The following PTK7 variants were observed in gnomAD, a reference collection of about 807,000 sequenced individuals.
PTK7 encodes protein tyrosine kinase 7 (inactive), also known as inactive tyrosine-protein kinase 7.
A neutral mutation model predicts 116.6 loss-of-function variants in PTK7; 39 were observed. That is an observed-to-expected ratio of 0.33 (90% CI 0.26 to 0.44). PTK7 has a LOEUF of 0.44. Among genes scored for constraint, PTK7 ranks in the 20% least tolerant of loss-of-function variants. The pLI, the probability that PTK7 is intolerant of heterozygous loss-of-function variation, is 1.00. For synonymous variants in PTK7, 546 were observed against 563.6 expected (o/e 0.97, Z 0.44); for missense variants, 1,169 against 1,425.6 (o/e 0.82, Z 2.90).
At chr6:43,116,604 T>TTGTGTGTGTGTGTG (rs751605217) in intron 1 of PTK7, among the ~76,000 whole-genome samples, 18 of 119,168 alleles carry the variant, frequency 1.5e-4, no homozygotes, top group East Asian at 5.2e-4. Flanking sequence ...AAAAGCTGGT[T>TTGTGTGTGTGTGTG]TGTGTGTGTG....
intron 1 of PTK7, among the ~76,000 whole-genome samples, chr6:43,114,207 C>T (rs1768362748): frequency 6.6e-6 from 1 of 152,208 alleles, no homozygotes. Flanking sequence ...CGTGCTGTTT[C>T]TTGTCCCTTT....
chr6:43,079,843 G>T (rs1766269273), intron 1 of PTK7, among the ~76,000 whole-genome samples: 1 of 150,568 alleles, frequency 6.6e-6, no homozygotes, highest in South Asian at 2.1e-4. Flanking sequence ...AGGATCGCTT[G>T]AGCCCAGGGG....
rs1280709177 is a variant in PTK7, at chr6:43,129,398, T to G, written c.367+134T>G. 8.2e-7 allele frequency: 1 copy of G among 1,212,292 alleles called. No homozygotes were observed. Among genetic ancestry groups the G allele is most frequent in the Admixed American group, 2.8e-5 (1 of 35,290 alleles). 75.1% of individuals were successfully genotyped at this position (1,212,292 alleles called of 1,614,324 possible). On this transcript the variant is annotated intron_variant, in intron 2 of 19. Coordinates refer to ENST00000230419, the MANE Select transcript of PTK7 (RefSeq NM_002821.5). The surrounding 1 kb of genome is among the most constrained non-coding windows in gnomAD (Gnocchi z 4.5). ...AGGCAGAATGCATTTATCATCAGCT[T>G]TTTTTGCTCATGTGGATAAGAGGAA...
Position 43,132,017 on chromosome 6 carries a change from C to G in PTK7, c.814C>G (p.Pro272Ala), listed in dbSNP as rs767370598. The change falls in exon 6 of 20, where the codon CCC becomes GCC. Residue 272 changes from proline (P) to alanine (A), a missense_variant and splice_region_variant. Physicochemically the swap from Pro to Ala is conservative, Grantham distance 27. Around this residue, in one of 3 missense-constraint regions of PTK7, gnomAD observed 487 missense variants for 549.8 expected, o/e 0.89. Coordinates refer to ENST00000230419, the MANE Select transcript of PTK7 (RefSeq NM_002821.5). ...DETPITNRSR[P>A]PHLRRATVFA... ...CAAATTGCACTCTCCCCTCTGCAGC[C>G]CCCCACACCTCCGCAGAGCCACAGT... The G allele has an allele frequency of 3.7e-6, 6 of 1,613,984 alleles. No homozygotes were observed. Among genetic ancestry groups the G allele is most frequent in the Non-Finnish European group, 4.2e-6 (5 of 1,180,022 alleles).
Position 43,076,472 on chromosome 6 carries a change from TTCCTG to T in PTK7, c.-16_-12del, listed in dbSNP as rs1766010011. 1 of 1,556,346 alleles carries T rather than the reference TTCCTG, an allele frequency of 6.4e-7. No homozygotes were observed. Among genetic ancestry groups the T allele is most frequent in the Non-Finnish European group, 8.6e-7 (1 of 1,158,748 alleles). ...GCCCGCCGTGCGCCCTCAGCTCCTTTTCCTGAGCCCGCCGCGATGGGAGCTGCGCG... is the reference window on the plus strand; with the variant it reads ...GCCCGCCGTGCGCCCTCAGCTCCTTTAGCCCGCCGCGATGGGAGCTGCGCG... On this transcript the variant is annotated 5_prime_UTR_variant, in exon 1 of 20. Coordinates refer to ENST00000230419, the MANE Select transcript of PTK7 (RefSeq NM_002821.5). This position sits in a 1 kb window ranked among gnomAD's most constrained non-coding sequence, Gnocchi z 5.7.
chr6:43,151,224 T>TTTTTTTTA, intron 17 of PTK7, among the ~76,000 whole-genome samples: 1 of 151,464 alleles, frequency 6.6e-6, no homozygotes, highest in Non-Finnish European at 1.5e-5. Context: ...TTTTTTTTTT[T>TTTTTTTTA]TCTTGAGACC....
At chr6:43,096,568 G>A (rs1240814175) in intron 1 of PTK7, among the ~76,000 whole-genome samples, 1 of 152,210 alleles carries the variant, frequency 6.6e-6, no homozygotes, top group African/African-American at 2.4e-5. Context: ...CTCTGCCCTG[G>A]AGCCAGAGTC....
intron 1 of PTK7, among the ~76,000 whole-genome samples, chr6:43,104,308 T>C (rs1767744372): frequency 6.6e-6 from 1 of 152,226 alleles, no homozygotes; most frequent in South Asian, 2.1e-4. Context: ...ATTGAAATCT[T>C]GGTTGAGGGT....
chr6:43,121,421 C>T (rs972120228), intron 1 of PTK7, among the ~76,000 whole-genome samples: 1 of 152,132 alleles, frequency 6.6e-6, no homozygotes, highest in Non-Finnish European at 1.5e-5. Context: ...ATATTAAGTC[C>T]CAGGATAGGA....
intron 1 of PTK7, among the ~76,000 whole-genome samples, chr6:43,125,113 C>T (rs1338255294): frequency 6.6e-6 from 1 of 151,444 alleles, no homozygotes; most frequent in Non-Finnish European, 1.5e-5. Context: ...CGGAGGTTGC[C>T]GTGAGCTGAG....
rs776377490 is a variant in PTK7, at chr6:43,139,174, C to T, written c.1401C>T (p.Arg467=). 29 of 1,614,098 alleles carry T rather than the reference C, an allele frequency of 1.8e-5. No individual in the cohort carries two copies. The highest frequency in any genetic ancestry group is 1.9e-5 in the Non-Finnish European group (23 of 1,180,050). The change falls in exon 9 of 20, where the codon CGC becomes CGT. Residue 467 remains arginine, a synonymous_variant. Coordinates refer to ENST00000230419, the MANE Select transcript of PTK7 (RefSeq NM_002821.5). This position sits in a 1 kb window ranked among gnomAD's most constrained non-coding sequence, Gnocchi z 4.6. ...RFEVFKNGTL[R]INSVEVYDGT... is the part of the protein sequence containing the mutation. ...AGGTCTTCAAGAATGGGACCTTGCGCATCAACAGCGTGGAGGTGTATGATG... is the reference window on the plus strand; with the variant it reads ...AGGTCTTCAAGAATGGGACCTTGCGTATCAACAGCGTGGAGGTGTATGATG...
In PTK7 at chr6:43,078,278, G is replaced by T. The variant is rs76745093; in HGVS notation, c.79+1711G>T. Among the ~76,000 whole-genome samples, 139 of 151,960 alleles carry T rather than the reference G, an allele frequency of 9.1e-4. 2 individuals are homozygous for T. Among genetic ancestry groups the T allele is most frequent in the African/African-American group, 3.1e-3 (129 of 41,404 alleles). ...GTGTGTGTGCGCGCGTGTGTGTGGGGGATCCTGTTGGGGGAAGTTAGGGCA... is the reference window on the plus strand; with the variant it reads ...GTGTGTGTGCGCGCGTGTGTGTGGGTGATCCTGTTGGGGGAAGTTAGGGCA... On this transcript the variant is annotated intron_variant, in intron 1 of 19. Coordinates refer to ENST00000230419, the MANE Select transcript of PTK7 (RefSeq NM_002821.5).
chr6:43,158,109 T>C (rs927578819), intron 17 of PTK7, among the ~76,000 whole-genome samples: 12 of 151,938 alleles, frequency 7.9e-5, no homozygotes, highest in African/African-American at 2.9e-4. Context: ...CCATCCTGGC[T>C]AACATGGTGA....
rs1180246380 is a variant in PTK7, at chr6:43,142,067, C to T, written c.1905C>T (p.Thr635=). 41 of 1,613,558 alleles carry T rather than the reference C, an allele frequency of 2.5e-5. No homozygotes were observed. Among genetic ancestry groups the T allele is most frequent in the Middle Eastern group, 1.6e-4 (1 of 6,084 alleles). Residue 635 remains threonine, a synonymous_variant, in exon 12 of 20, where the codon ACC becomes ACT. Transcript: ENST00000230419. Reference sequence around the variant, plus strand: ...GCAAGGACCGCATCCTGGACCCCACCAAGCTGGGACCCAGGTAGGGCCACC... The same window carrying T: ...GCAAGGACCGCATCCTGGACCCCACTAAGCTGGGACCCAGGTAGGGCCACC... ...WKGKDRILDP[T]KLGPRMHIFQ... is the part of the protein sequence containing the mutation.
intron 1 of PTK7, among the ~76,000 whole-genome samples, chr6:43,125,793 GAC>G (rs1561961747): frequency 1.3e-5 from 2 of 152,320 alleles, no homozygotes; most frequent in South Asian, 4.1e-4. Context: ...AGGAAGCTGA[GAC>G]ACAGTCTGTG....
In PTK7 at chr6:43,139,642, G is replaced by A. The variant is rs908544116; in HGVS notation, c.1618+117G>A. The A allele has an allele frequency of 8.9e-6, 13 of 1,465,132 alleles. No individual in the cohort carries two copies. In the African/African-American group the frequency reaches 1.7e-4, roughly 19 times the overall value. 90.8% of individuals were successfully genotyped at this position (1,465,132 alleles called of 1,614,324 possible). A position where few individuals can be genotyped will look rare whatever the true frequency, so the allele number is the denominator to read the frequency against. ...AGGAAATGTGGAGATTAGACAAGCA[G>A]TGCAGGGCTGATGTATAGTTTAGTT... On this transcript the variant is annotated intron_variant, in intron 10 of 19. Coordinates refer to ENST00000230419, the MANE Select transcript of PTK7 (RefSeq NM_002821.5). The surrounding 1 kb of genome is among the most constrained non-coding windows in gnomAD (Gnocchi z 4.6).
chr6:43,101,602 A>G (rs917153213), intron 1 of PTK7, among the ~76,000 whole-genome samples: 4 of 152,096 alleles, frequency 2.6e-5, no homozygotes, highest in African/African-American at 9.7e-5. Context: ...AATAGTTTTG[A>G]GGGAAAATTT....
At chr6:43,082,868 T>C (rs1766455325) in intron 1 of PTK7, among the ~76,000 whole-genome samples, 1 of 152,138 alleles carries the variant, frequency 6.6e-6, no homozygotes, top group African/African-American at 2.4e-5. Flanking sequence ...AGAAACTGGA[T>C]TTGTTAGGCA....
chr6:43,148,433 TG>T (rs1164921807), intron 17 of PTK7, among the ~76,000 whole-genome samples: 1 of 152,198 alleles, frequency 6.6e-6, no homozygotes, highest in African/African-American at 2.4e-5. Flanking sequence ...CAGATGGTTG[TG>T]GTTAACAAAG....
Sources: allele counts gnomAD v4.1 joint callset (sites outside exome capture counted in the v4.1 genomes callset), GRCh38; gene constraint gnomAD v4.1.1; regional missense constraint gnomAD v4.1.1; non-coding constraint Gnocchi (gnomAD v3.1); transcripts MANE v1.5; gene names NCBI Gene and HGNC (gene_info 2026-07-23, HGNC 2026-07-21).